Variants in TAF10 observed in about 807,000 individuals in gnomAD.
TAF10 encodes the protein TATA-box binding protein associated factor 10, also known as transcription initiation factor TFIID subunit 10.
In TAF10, 2 loss-of-function variants were observed where a neutral mutation model predicts 18.1. The observed-to-expected ratio is 0.11, with a 90% CI of 0.05 to 0.35. TAF10 has a LOEUF of 0.35. TAF10 is among the 10% of genes least tolerant of loss of function. TAF10 has a pLI of 1.00. For synonymous variants in TAF10, 158 were observed against 134.6 expected (o/e 1.17, Z -1.20); for missense variants, 293 against 306.9 (o/e 0.95, Z 0.34).
Position 6,612,142 on chromosome 11 carries a change from G to C in TAF10, c.48C>G (p.Ser16=). The change falls in exon 1 of 5, where the codon TCC becomes TCG. Residue 16 remains serine (S), a synonymous_variant. Transcript: ENST00000299424. The part of the protein sequence containing the change: ...SGADPEAAPA[S]AASAPGPAPP... Reference sequence around the variant, plus strand: ...GCGCGGGGCCCGGGGCCGAGGCGGCGGAGGCCGGCGCCGCCTCGGGGTCCG... The same window carrying C: ...GCGCGGGGCCCGGGGCCGAGGCGGCCGAGGCCGGCGCCGCCTCGGGGTCCG... The C allele has an allele frequency of 8.4e-7, 1 of 1,196,792 alleles. No individual in the cohort carries two copies. Among genetic ancestry groups the C allele is most frequent in the Non-Finnish European group, 1.0e-6 (1 of 967,106 alleles). 74.1% of individuals were successfully genotyped at this position (1,196,792 alleles called of 1,614,324 possible).
chr11:6,608,953 C>G lies in TAF10; in HGVS notation c.*1969G>C. On this transcript the variant is annotated 3_prime_UTR_variant, in exon 5 of 5. Transcript: ENST00000299424. The surrounding 1 kb of genome is among the most constrained non-coding windows in gnomAD (Gnocchi z 4.9). Reference sequence around the variant, plus strand: ...AAGGACACATTCTGGAAGGGGACCACCCGCACTCGGCCCCGTGAGTCACCA... The same window carrying G: ...AAGGACACATTCTGGAAGGGGACCAGCCGCACTCGGCCCCGTGAGTCACCA... 1 of 1,614,188 alleles carries G rather than the reference C, an allele frequency of 6.2e-7. No individual in the cohort carries two copies.
rs138917478 is a variant in TAF10 at position 6,611,174 on chromosome 11, A to G, written c.567+15T>C. 7 of 1,611,824 alleles carry G rather than the reference A, an allele frequency of 4.3e-6. No homozygotes were observed. Among genetic ancestry groups the G allele is most frequent in the Non-Finnish European group, 4.2e-6 (5 of 1,177,944 alleles). Reference sequence around the variant, plus strand: ...GTGGAAGGTAATTACTGATTCATTAAGCCTCCCCTCACACCTTGCTCTTGC... The same window carrying G: ...GTGGAAGGTAATTACTGATTCATTAGGCCTCCCCTCACACCTTGCTCTTGC... On this transcript the variant is annotated intron_variant, in intron 4 of 4. Coordinates refer to ENST00000299424, the MANE Select transcript of TAF10 (RefSeq NM_006284.4).
rs1185305950 is a variant in TAF10 at position 6,608,257 on chromosome 11, G to A, written c.*2665C>T. On this transcript the variant is annotated 3_prime_UTR_variant, in exon 5 of 5. Coordinates refer to ENST00000299424, the MANE Select transcript of TAF10 (RefSeq NM_006284.4). The surrounding 1 kb of genome is among the most constrained non-coding windows in gnomAD (Gnocchi z 4.9). The stretch of plus-strand genomic sequence containing the variant: ...CATCCACATCACATACATGCCATGA[G>A]GGTCAGTCACAGGCACTGTAACATA... The A allele has an allele frequency of 1.9e-6, 3 of 1,607,680 alleles. No individual in the cohort carries two copies. The African/African-American group carries it at 4.0e-5, about 21-fold the overall frequency.
Position 6,609,064 on chromosome 11 carries a change from C to G in TAF10, c.*1858G>C, listed in dbSNP as rs1321829762. ...AAGCTGGGTACCTGACCTGCCCACA[C>G]TCTTAGGAAATGGAACCCTGAACAA... On this transcript the variant is annotated 3_prime_UTR_variant, in exon 5 of 5. Coordinates refer to ENST00000299424, the MANE Select transcript of TAF10 (RefSeq NM_006284.4). 7 of 1,613,792 alleles carry G rather than the reference C, an allele frequency of 4.3e-6. No homozygotes were observed. Among genetic ancestry groups the G allele is most frequent in the African/African-American group, 2.7e-5 (2 of 74,926 alleles).
chr11:6,608,088 G>A lies in TAF10; in HGVS notation c.*2834C>T, dbSNP rs761517493. On this transcript the variant is annotated 3_prime_UTR_variant, in exon 5 of 5. Transcript: ENST00000299424. This position sits in a 1 kb window ranked among gnomAD's most constrained non-coding sequence, Gnocchi z 4.9. The stretch of plus-strand genomic sequence containing the variant: ...CCCCCTTGCACTGGGCCTGCCGAGA[G>A]GGCCGCTCTGCTGTGGTTGAGATGT... 3.1e-6 allele frequency: 5 copies of A among 1,614,206 alleles called. No homozygotes were observed. Among genetic ancestry groups the A allele is most frequent in the East Asian group, 2.2e-5 (1 of 44,890 alleles).
At chr11:6,611,367 A>T in intron 3 of TAF10, 21 bp downstream of exon 3, 1 of 1,614,116 alleles carries the variant, frequency 6.2e-7, no homozygotes. Context: ...CCCAAAACTA[A>T]CCTGCCCTGG....
At position 6,608,571 on chromosome 11, in the gene TAF10, A is replaced by G. The variant is rs1855172776; in HGVS notation, c.*2351T>C. 2.2e-6 allele frequency: 3 copies of G among 1,364,916 alleles called. No individual in the cohort carries two copies. In the East Asian group the frequency reaches 6.9e-5, roughly 31 times the overall value. The allele number at this position is 1,364,916 out of a possible 1,614,324, so 84.6% of individuals were successfully genotyped here. Reference sequence around the variant, plus strand: ...TGGGAGATTTTGGAACCCTCAACCCATTCTGTCAGTACTACTGTGTGACAC... The same window carrying G: ...TGGGAGATTTTGGAACCCTCAACCCGTTCTGTCAGTACTACTGTGTGACAC... On this transcript the variant is annotated 3_prime_UTR_variant, in exon 5 of 5. Coordinates refer to ENST00000299424, the MANE Select transcript of TAF10 (RefSeq NM_006284.4). The surrounding 1 kb of genome is among the most constrained non-coding windows in gnomAD (Gnocchi z 4.9).
Position 6,611,000 on chromosome 11 carries a change from G to A in TAF10, c.579C>T (p.Tyr193=), listed in dbSNP as rs778756994. 1.2e-6 allele frequency: 2 copies of A among 1,614,126 alleles called. No homozygotes were observed. Among genetic ancestry groups the A allele is most frequent in the South Asian group, 1.1e-5 (1 of 91,082 alleles). ...SSRSKSKDRK[Y]TLTMEDLTPA... is the part of the protein sequence containing the mutation. ...GGGTCAAGTCCTCCATGGTTAGAGT[G>A]TACTTGCGGTCCTGAGGGAAGAGGG... The change falls in exon 5 of 5, where the codon TAC becomes TAT. Residue 193 remains tyrosine, a synonymous_variant. Coordinates refer to ENST00000299424, the MANE Select transcript of TAF10 (RefSeq NM_006284.4).
In TAF10 at chr11:6,608,836, C is replaced by G; in HGVS notation, c.*2086G>C. The G allele has an allele frequency of 6.2e-7, 1 of 1,612,588 alleles. No homozygotes were observed. Among genetic ancestry groups the G allele is most frequent in the East Asian group, 2.2e-5 (1 of 44,874 alleles). On this transcript the variant is annotated 3_prime_UTR_variant, in exon 5 of 5. Transcript: ENST00000299424. The surrounding 1 kb of genome is among the most constrained non-coding windows in gnomAD (Gnocchi z 4.9). Reference sequence around the variant, plus strand: ...GCTTGTGTCCTCTCGTCCCTTCCCACCTGTCTTCTCCCTCTGTACCACAGC... The same window carrying G: ...GCTTGTGTCCTCTCGTCCCTTCCCAGCTGTCTTCTCCCTCTGTACCACAGC...
At position 6,608,301 on chromosome 11, in the gene TAF10, C is replaced by G; in HGVS notation, c.*2621G>C. The G allele has an allele frequency of 6.4e-7, 1 of 1,555,952 alleles. No homozygotes were observed. The highest frequency in any genetic ancestry group is 8.9e-7 in the Non-Finnish European group (1 of 1,127,010). On this transcript the variant is annotated 3_prime_UTR_variant, in exon 5 of 5. Coordinates refer to ENST00000299424, the MANE Select transcript of TAF10 (RefSeq NM_006284.4). The surrounding 1 kb of genome is among the most constrained non-coding windows in gnomAD (Gnocchi z 4.9). ...TAACATACAGTAGAAAGCATGTGTG[C>G]TCTTCCCCCTTTTCCCATGCCCTGA...
Position 6,607,963 on chromosome 11 carries a change from G to A in TAF10, c.*2959C>T, listed in dbSNP as rs951999214. On this transcript the variant is annotated 3_prime_UTR_variant, in exon 5 of 5. Transcript: ENST00000299424. ...CTAGAGAGGTAAGCCTTCCCAGAGA[G>A]TATGTAATTATCAGTTTTTCAGGAA... 5.7e-6 allele frequency: 8 copies of A among 1,395,678 alleles called. No homozygotes were observed. The highest frequency in any genetic ancestry group is 8.1e-6 in the Non-Finnish European group (8 of 990,848). 86.5% of individuals were successfully genotyped at this position (1,395,678 alleles called of 1,614,324 possible). A position where few individuals can be genotyped will look rare whatever the true frequency, so the allele number is the denominator to read the frequency against.
Position 6,610,112 on chromosome 11 carries a change from C to T in TAF10, c.*810G>A. 1.2e-6 allele frequency: 2 copies of T among 1,614,124 alleles called. No homozygotes were observed. The highest frequency in any genetic ancestry group is 1.6e-4 in the Middle Eastern group (1 of 6,062). ...TGGAAGGGGGCAGAGACAGGACAGG[C>T]AAGGGGGCCAGAACAGACAAGCCCT... On this transcript the variant is annotated 3_prime_UTR_variant, in exon 5 of 5. Coordinates refer to ENST00000299424, the MANE Select transcript of TAF10 (RefSeq NM_006284.4).
Position 6,609,393 on chromosome 11 carries a change from A to T in TAF10, c.*1529T>A. The stretch of plus-strand genomic sequence containing the variant: ...AGGAAGAGCAGGGACTTCAATGAAG[A>T]GTGTCCCCGGCTCAGGTAGTGCAAG... On this transcript the variant is annotated 3_prime_UTR_variant, in exon 5 of 5. Transcript: ENST00000299424. The T allele has an allele frequency of 2.5e-6, 4 of 1,613,968 alleles. No individual in the cohort carries two copies. Among genetic ancestry groups the T allele is most frequent in the Middle Eastern group, 1.6e-4 (1 of 6,062 alleles).
At chr11:6,611,568 C>A in intron 2 of TAF10, 96 bp downstream of exon 2, 2 of 1,587,790 alleles carry the variant, frequency 1.3e-6, no homozygotes. Flanking sequence ...CACAGAAGAG[C>A]GACTAGGGGA....
chr11:6,609,666 G>A lies in TAF10; in HGVS notation c.*1256C>T, dbSNP rs754592199. 3 of 1,614,094 alleles carry A rather than the reference G, an allele frequency of 1.9e-6. No individual in the cohort carries two copies. The highest frequency in any genetic ancestry group is 3.3e-5 in the Admixed American group (2 of 60,020). ...TGAGTAGGGATGTTGAATTTCCTTG[G>A]GGAGGAAATGGCAGAGAGGGAGCCT... On this transcript the variant is annotated 3_prime_UTR_variant, in exon 5 of 5. Coordinates refer to ENST00000299424, the MANE Select transcript of TAF10 (RefSeq NM_006284.4).
rs1195571398 is a variant in TAF10 at position 6,608,656 on chromosome 11, T to G, written c.*2266A>C. 1 of 1,539,642 alleles carries G rather than the reference T, an allele frequency of 6.5e-7. No individual in the cohort carries two copies. Among genetic ancestry groups the G allele is most frequent in the Non-Finnish European group, 9.0e-7 (1 of 1,112,058 alleles). ...GTTGGTTCAGTGACTGCCAGCGAGG[T>G]AGCAGTGGCTCTCATCATAATGGCC... On this transcript the variant is annotated 3_prime_UTR_variant, in exon 5 of 5. Coordinates refer to ENST00000299424, the MANE Select transcript of TAF10 (RefSeq NM_006284.4). This position sits in a 1 kb window ranked among gnomAD's most constrained non-coding sequence, Gnocchi z 4.9.
chr11:6,609,640 G>A lies in TAF10; in HGVS notation c.*1282C>T, dbSNP rs1589940179. 5 of 1,614,248 alleles carry A rather than the reference G, an allele frequency of 3.1e-6. No homozygotes were observed. The highest frequency in any genetic ancestry group is 4.2e-6 in the Non-Finnish European group (5 of 1,180,044). ...TACAATGTACTACATGAAGGCACCAGTGAGTAGGGATGTTGAATTTCCTTG... is the reference window on the plus strand; with the variant it reads ...TACAATGTACTACATGAAGGCACCAATGAGTAGGGATGTTGAATTTCCTTG... On this transcript the variant is annotated 3_prime_UTR_variant, in exon 5 of 5. Coordinates refer to ENST00000299424, the MANE Select transcript of TAF10 (RefSeq NM_006284.4).
chr11:6,608,385 G>A lies in TAF10; in HGVS notation c.*2537C>T. The A allele has an allele frequency of 1.9e-6, 3 of 1,612,804 alleles. No homozygotes were observed. The South Asian group carries it at 3.3e-5, about 18-fold the overall frequency. On this transcript the variant is annotated 3_prime_UTR_variant, in exon 5 of 5. Coordinates refer to ENST00000299424, the MANE Select transcript of TAF10 (RefSeq NM_006284.4). This position sits in a 1 kb window ranked among gnomAD's most constrained non-coding sequence, Gnocchi z 4.9. ...CTGCCTCTTCTTTTTGTCTGGCCAT[G>A]GGGTCCAGCTATTGCAGTACAAGGC...
In TAF10 at chr11:6,609,918, C is replaced by T. The variant is rs1470264363; in HGVS notation, c.*1004G>A. ...CTATCTATGACTTACCTCCTTCTATCTGTTTTCTCTTCCTCAGATTGATGA... is the reference window on the plus strand; with the variant it reads ...CTATCTATGACTTACCTCCTTCTATTTGTTTTCTCTTCCTCAGATTGATGA... On this transcript the variant is annotated 3_prime_UTR_variant, in exon 5 of 5. Coordinates refer to ENST00000299424, the MANE Select transcript of TAF10 (RefSeq NM_006284.4). The T allele has an allele frequency of 1.9e-6, 3 of 1,614,160 alleles. No homozygotes were observed. The highest frequency in any genetic ancestry group is 1.7e-5 in the Admixed American group (1 of 60,032).
Sources: allele counts gnomAD v4.1 joint callset, GRCh38; gene constraint gnomAD v4.1.1; non-coding constraint Gnocchi (gnomAD v3.1); transcripts MANE v1.5; gene names NCBI Gene and HGNC (gene_info 2026-07-23, HGNC 2026-07-21).